Variants in ARID5B observed in about 807,000 individuals in gnomAD.
The protein encoded by ARID5B is AT-rich interactive domain-containing protein 5B.
Under a neutral mutation model 97.2 loss-of-function variants are expected in ARID5B, and 13 were observed. The ratio of observed to expected loss-of-function variants is 0.13; its 90% confidence interval spans 0.09 to 0.21. The LOEUF (loss-of-function observed/expected upper bound fraction) is 0.21, where lower values mean the gene tolerates loss of function less well. ARID5B is among the 10% of genes least tolerant of loss of function. The pLI is 1.00. For synonymous variants in ARID5B, 556 were observed against 570.3 expected (o/e 0.97, Z 0.36); for missense variants, 1,210 against 1,465.3 (o/e 0.83, Z 2.84).
Position 62,093,267 on chromosome 10 carries a change from C to A in ARID5B, c.*237C>A. On this transcript the variant is annotated 3_prime_UTR_variant, in exon 10 of 10. Coordinates refer to ENST00000279873, the MANE Select transcript of ARID5B (RefSeq NM_032199.3). ...CCCTTCCAACACAGATGCCCAGGCA[C>A]CTCCAGATCATTCACTTCGCACGTG... 2 of 484,466 alleles carry A rather than the reference C, an allele frequency of 4.1e-6. No individual in the cohort carries two copies. Among genetic ancestry groups the A allele is most frequent in the Non-Finnish European group, 7.1e-6 (2 of 283,276 alleles). 30.0% of individuals were successfully genotyped at this position (484,466 alleles called of 1,614,324 possible).
chr10:61,923,628 C>G (rs1039280723), intron 2 of ARID5B, among the ~76,000 whole-genome samples: 1 of 152,234 alleles, frequency 6.6e-6, no homozygotes, highest in African/African-American at 2.4e-5. Context: ...CTGTATGACT[C>G]AGAGAGGCTT....
chr10:62,087,950 C>T (rs570549964), intron 9 of ARID5B, among the ~76,000 whole-genome samples: 3 of 151,684 alleles, frequency 2.0e-5, no homozygotes, highest in African/African-American at 4.8e-5. Context: ...TTGCAACCTC[C>T]GCCTCCCAGG....
chr10:61,985,032 GT>G (rs1428109803), intron 3 of ARID5B, among the ~76,000 whole-genome samples: 6 of 152,008 alleles, frequency 3.9e-5, no homozygotes, highest in African/African-American at 1.4e-4. Context: ...GAGAGAGAAT[GT>G]TCATGACTGA....
rs150945011 is a variant in ARID5B, at chr10:62,076,645, G to A, written c.1199+6848G>A. 8.2e-3 allele frequency among the ~76,000 whole-genome samples: 1,229 copies of A among 149,616 alleles called. 4 individuals carry two copies. The highest frequency in any genetic ancestry group is 0.012 in the Non-Finnish European group (828 of 67,330). On this transcript the variant is annotated intron_variant, in intron 8 of 9. Transcript: ENST00000279873. ...AGTTCAACAGGGATCAAAGAAGGAA[G>A]AGAGAAATTTCAACTGAAATGAGCA...
intron 4 of ARID5B, among the ~76,000 whole-genome samples, chr10:62,039,250 C>T (rs912431044): frequency 1.3e-4 from 20 of 152,084 alleles, no homozygotes; most frequent in Non-Finnish European, 7.3e-5. Context: ...AGGTTGAAAC[C>T]GCCCAATCAT....
intron 2 of ARID5B, 79 bp from the exon 3 acceptor site, chr10:61,940,104 A>G (rs1844373369): frequency 9.0e-6 from 12 of 1,329,844 alleles, no homozygotes; most frequent in Admixed American, 5.2e-5. Context: ...GGCATTTCAG[A>G]TGGGCCTTGT....
At position 62,027,439 on chromosome 10, in the gene ARID5B, G is replaced by GCTGGGA. The variant is rs577828581; in HGVS notation, c.734-23445_734-23440dup. The stretch of plus-strand genomic sequence containing the variant: ...TTCTCCTGCCTCAGCCTCCCAAGTA[G>GCTGGGA]CTGGGACTGCAGGAGCCCACCACCA... On this transcript the variant is annotated intron_variant, in intron 4 of 9. Transcript: ENST00000279873. Among the ~76,000 whole-genome samples, 1,238 of 151,090 alleles carry GCTGGGA rather than the reference G, an allele frequency of 8.2e-3. 18 individuals carry two copies. The highest frequency in any genetic ancestry group is 7.2e-3 in the Non-Finnish European group (491 of 67,776).
intron 4 of ARID5B, among the ~76,000 whole-genome samples, chr10:62,004,072 A>G (rs1839116713): frequency 1.3e-5 from 2 of 152,350 alleles, no homozygotes; most frequent in South Asian, 4.1e-4. Flanking sequence ...TTTTATTTAC[A>G]TTGAGATATT....
chr10:61,990,155 T>G (rs932703864), intron 3 of ARID5B, among the ~76,000 whole-genome samples: 5 of 152,200 alleles, frequency 3.3e-5, no homozygotes, highest in Non-Finnish European at 7.3e-5. Context: ...GCCTTTTCCC[T>G]TCTTTCCTTG....
At chr10:62,036,253 T>C (rs923526458) in intron 4 of ARID5B, among the ~76,000 whole-genome samples, 2 of 152,200 alleles carry the variant, frequency 1.3e-5, no homozygotes, top group African/African-American at 4.8e-5. Context: ...TTGGGACCTC[T>C]GAGGCATGAG....
rs754211044 is a variant in ARID5B, at chr10:61,902,143, T to C, written c.22-16T>C. 2.5e-6 allele frequency: 4 copies of C among 1,610,546 alleles called. No individual in the cohort carries two copies. Among genetic ancestry groups the C allele is most frequent in the African/African-American group, 1.3e-5 (1 of 74,708 alleles). The stretch of plus-strand genomic sequence containing the variant: ...TGGCTACATTATTTATTTGGTGTTT[T>C]TTTCCCCCCCTGCAGTGGGTCGGCT... On this transcript the variant is annotated splice_polypyrimidine_tract_variant and intron_variant, in intron 1 of 9. Transcript: ENST00000279873.
chr10:62,063,191 G>A (rs564179773), intron 7 of ARID5B, among the ~76,000 whole-genome samples: 1 of 152,218 alleles, frequency 6.6e-6, no homozygotes, highest in Admixed American at 6.5e-5. Context: ...TTTACCAGAT[G>A]TACTAATTAC....
At chr10:61,936,170 C>G (rs1044522951) in intron 2 of ARID5B, among the ~76,000 whole-genome samples, 19 of 152,132 alleles carry the variant, frequency 1.2e-4, no homozygotes, top group African/African-American at 4.3e-4. Context: ...CTGGCTATAT[C>G]CACATGTTCC....
intron 4 of ARID5B, among the ~76,000 whole-genome samples, chr10:62,048,991 C>T (rs1269838589): frequency 6.6e-6 from 1 of 152,192 alleles, no homozygotes; most frequent in African/African-American, 2.4e-5. Context: ...CCTTCCCTCG[C>T]GGTCATTAAA....
chr10:62,010,852 C>T (rs983745060), intron 4 of ARID5B, among the ~76,000 whole-genome samples: 5 of 152,146 alleles, frequency 3.3e-5, no homozygotes, highest in South Asian at 4.1e-4. Flanking sequence ...CAGAATTCGC[C>T]GTGGCCAATC....
rs1404022301 is a variant in ARID5B, at chr10:62,069,777, T to G, written c.1179T>G (p.Cys393Trp). 1 of 1,614,000 alleles carries G rather than the reference T, an allele frequency of 6.2e-7. No individual in the cohort carries two copies. ...GNPGSTSAAT[C>W]TRRHYERLIL... is the part of the protein sequence containing the mutation. ...CTGGGAGCACCAGCGCTGCCACTTG[T>G]ACCCGCAGACATTATGAAAGGTAAG... The change falls in exon 8 of 10, where the codon TGT (cysteine) becomes TGG (tryptophan). Residue 393 changes from cysteine to tryptophan, a missense_variant. Cys to Trp is a radical substitution (Grantham distance 215). Around this residue, in one of 8 missense-constraint regions of ARID5B, gnomAD observed 59 missense variants for 156.7 expected, o/e 0.38. Transcript: ENST00000279873.
At chr10:62,021,981 G>C (rs749329573) in intron 4 of ARID5B, among the ~76,000 whole-genome samples, 1 of 152,174 alleles carries the variant, frequency 6.6e-6, no homozygotes, top group African/African-American at 2.4e-5. Flanking sequence ...ATGTAATACC[G>C]AATATCACAT....
At chr10:62,042,194 G>A (rs1432222118) in intron 4 of ARID5B, among the ~76,000 whole-genome samples, 1 of 152,116 alleles carries the variant, frequency 6.6e-6, no homozygotes, top group Admixed American at 6.5e-5. Context: ...TTATAGAAGA[G>A]TTTTCAAAAA....
In ARID5B at chr10:61,940,414, T is replaced by C; in HGVS notation, c.502+6T>C. ...CAAGGAGAAGGCAGACCTGGGTAAA[T>C]ATGACTTGTAATTTTAAATCTAATG... On this transcript the variant is annotated splice_donor_region_variant and intron_variant, in intron 3 of 9. Transcript: ENST00000279873. 4 of 1,607,756 alleles carry C rather than the reference T, an allele frequency of 2.5e-6. No individual in the cohort carries two copies. The highest frequency in any genetic ancestry group is 1.7e-6 in the Non-Finnish European group (2 of 1,176,420).
Sources: allele counts gnomAD v4.1 joint callset (sites outside exome capture counted in the v4.1 genomes callset), GRCh38; gene constraint gnomAD v4.1.1; regional missense constraint gnomAD v4.1.1; transcripts MANE v1.5; gene names NCBI Gene and HGNC (gene_info 2026-07-23, HGNC 2026-07-21).